Variants in STYXL1 observed in about 807,000 individuals in gnomAD.
STYXL1 encodes the protein serine/threonine/tyrosine interacting like 1.
STYXL1 carries 32 observed loss-of-function variants against 36.4 expected under a neutral mutation model. That is an observed-to-expected ratio of 0.88 (90% CI 0.66 to 1.18). The LOEUF (loss-of-function observed/expected upper bound fraction) is 1.18, where lower values mean the gene tolerates loss of function less well. Ranked by LOEUF, STYXL1 falls within the 50% of genes most tolerant of loss-of-function variation. The pLI is 0.00. For synonymous variants in STYXL1, 133 were observed against 144.1 expected (o/e 0.92, Z 0.55); for missense variants, 354 against 394.1 (o/e 0.90, Z 0.86).
chr7:76,013,323 C>T (rs1258751263), intron 5 of STYXL1, among the ~76,000 whole-genome samples: 3 of 124,656 alleles, frequency 2.4e-5, no homozygotes, highest in African/African-American at 9.0e-5. Flanking sequence ...GAGACTCCGT[C>T]TCAAAAAAAA....
intron 5 of STYXL1, among the ~76,000 whole-genome samples, 187 bp downstream of exon 5, chr7:76,013,555 G>A (rs1792872242): frequency 6.6e-6 from 1 of 151,694 alleles, no homozygotes; most frequent in African/African-American, 2.4e-5. Flanking sequence ...TTCCCTAGTA[G>A]CTACGACTAT....
chr7:76,041,435 A>G (rs1318015784), intron 1 of STYXL1, among the ~76,000 whole-genome samples: 2 of 152,260 alleles, frequency 1.3e-5, no homozygotes, highest in Non-Finnish European at 2.9e-5. Context: ...TTGGTCCCCA[A>G]TGTGGTAGTA....
intron 1 of STYXL1, among the ~76,000 whole-genome samples, chr7:76,041,813 A>G (rs192756766): frequency 2.4e-4 from 36 of 152,368 alleles, no homozygotes; most frequent in African/African-American, 8.7e-4. Context: ...TAGGCAAAGC[A>G]ACTTTACGAT....
intron 1 of STYXL1, among the ~76,000 whole-genome samples, chr7:76,032,255 C>T (rs1321852680): frequency 6.6e-6 from 1 of 151,726 alleles, no homozygotes; most frequent in Non-Finnish European, 1.5e-5. Flanking sequence ...CTTAAACTAG[C>T]CAGGTGTGGT....
chr7:76,043,441 G>A (rs572979126), intron 1 of STYXL1, among the ~76,000 whole-genome samples: 5 of 152,112 alleles, frequency 3.3e-5, no homozygotes, highest in Admixed American at 6.6e-5. Flanking sequence ...GCACCCAGCC[G>A]AGAAGCCATT....
rs1795884317 is a variant in STYXL1, at chr7:76,036,123, C to CA, written c.-4-5597dup. Among the ~76,000 whole-genome samples, 2 of 149,992 alleles carry CA rather than the reference C, an allele frequency of 1.3e-5. 1 individual carries two copies. The highest frequency in any genetic ancestry group is 3.0e-5 in the Non-Finnish European group (2 of 67,074). Reference sequence around the variant, plus strand: ...TATTTATTTACTTATTTTCTTGAGACAGAGTCTTGCTCTGTCCCCCAGGCT... The same window carrying CA: ...TATTTATTTACTTATTTTCTTGAGACAAGAGTCTTGCTCTGTCCCCCAGGCT... On this transcript the variant is annotated intron_variant, in intron 1 of 8. Transcript: ENST00000359697.
chr7:76,015,490 G>A (rs1585233553), intron 4 of STYXL1, among the ~76,000 whole-genome samples: 1 of 152,146 alleles, frequency 6.6e-6, no homozygotes, highest in African/African-American at 2.4e-5. Context: ...GTCCTCCAAA[G>A]CAATTGCAAC....
At chr7:76,017,085 G>A (rs782434160) in intron 4 of STYXL1, among the ~76,000 whole-genome samples, 16 of 151,978 alleles carry the variant, frequency 1.1e-4, no homozygotes, top group African/African-American at 2.4e-4. Context: ...GCAATGGCAC[G>A]ATCTCGGCGC....
chr7:76,006,539 G>A (rs571107456), intron 5 of STYXL1, among the ~76,000 whole-genome samples: 41 of 152,154 alleles, frequency 2.7e-4, no homozygotes, highest in Non-Finnish European at 4.7e-4. Flanking sequence ...TGAGGTGGGC[G>A]GATCACGAGG....
intron 1 of STYXL1, among the ~76,000 whole-genome samples, chr7:76,042,132 G>C (rs1796526492): frequency 6.6e-6 from 1 of 152,148 alleles, no homozygotes; most frequent in Non-Finnish European, 1.5e-5. Context: ...TGGGGTCTGG[G>C]CTGTAGAAAA....
At chr7:76,038,088 A>C (rs1796091160) in intron 1 of STYXL1, among the ~76,000 whole-genome samples, 1 of 150,218 alleles carries the variant, frequency 6.7e-6, no homozygotes, top group African/African-American at 2.4e-5. Flanking sequence ...TCTTTTCCTG[A>C]AACAGGGGCT....
At chr7:76,043,229 C>A (rs1796642667) in intron 1 of STYXL1, among the ~76,000 whole-genome samples, 1 of 151,984 alleles carries the variant, frequency 6.6e-6, no homozygotes, top group Admixed American at 6.6e-5. Context: ...GCAACCTCTG[C>A]CTCCTGGGTT....
chr7:76,021,080 A>ATTTTTTTTTTTTTTTTTTTTT (rs200072611), intron 4 of STYXL1, among the ~76,000 whole-genome samples: 105 of 144,922 alleles, frequency 7.2e-4, no homozygotes, highest in African/African-American at 2.5e-3. Context: ...TGTTACAAGA[A>ATTTTTTTTTTTTTTTTTTTTT]TTTTTTTTTT....
chr7:76,016,329 T>C (rs778968385), intron 4 of STYXL1, among the ~76,000 whole-genome samples: 2 of 151,452 alleles, frequency 1.3e-5, no homozygotes, highest in Non-Finnish European at 3.0e-5. Flanking sequence ...TCTATACATA[T>C]GTGTGTATAT....
intron 3 of STYXL1, among the ~76,000 whole-genome samples, chr7:76,024,295 C>T (rs117107163): frequency 0.013 from 2,027 of 152,244 alleles, 25 homozygotes; most frequent in Non-Finnish European, 0.022. Context: ...ACCACACCCA[C>T]TTTTAGGGAA....
chr7:76,039,815 T>C (rs1158439104), intron 1 of STYXL1, among the ~76,000 whole-genome samples: 1 of 152,116 alleles, frequency 6.6e-6, no homozygotes, highest in East Asian at 1.9e-4. Context: ...GACAGGCTAA[T>C]TTTTGTATTT....
chr7:75,998,578 G>A (rs1248645891), intron 8 of STYXL1: 2 of 152,190 alleles, frequency 1.3e-5, no homozygotes, highest in Non-Finnish European at 2.9e-5. Context: ...GATTACAGGT[G>A]TGAGCCACTG....
intron 8 of STYXL1, among the ~76,000 whole-genome samples, chr7:76,000,047 C>T (rs1435884769): frequency 3.3e-5 from 5 of 151,366 alleles, no homozygotes; most frequent in Admixed American, 2.0e-4. Flanking sequence ...AAAAATTAGC[C>T]GGGCATGGTG....
intron 1 of STYXL1, chr7:76,046,015 C>A (rs1170587300): frequency 1.3e-5 from 2 of 152,170 alleles, no homozygotes; most frequent in Non-Finnish European, 2.9e-5. Context: ...ACACTGCTTG[C>A]CCTAATGTCC....
Sources: gnomAD v4.1 joint callset for allele counts (sites outside exome capture counted in the v4.1 genomes callset) on GRCh38, gnomAD v4.1.1 for gene constraint, MANE v1.5 for transcripts, NCBI Gene and HGNC (gene_info 2026-07-23, HGNC 2026-07-21) for gene names.